Variants in PTPRD observed in about 807,000 individuals in gnomAD.
PTPRD encodes the protein receptor-type tyrosine-protein phosphatase delta.
A neutral mutation model predicts 214.5 loss-of-function variants in PTPRD; 34 were observed. The observed-to-expected ratio is 0.16, with a 90% CI of 0.12 to 0.21. The LOEUF is 0.21. PTPRD is among the 10% of genes least tolerant of loss of function. The pLI is 1.00. For synonymous variants in PTPRD, 1,128 were observed against 845.7 expected (o/e 1.33, Z -5.79); for missense variants, 2,545 against 2,398.7 (o/e 1.06, Z -1.27).
chr9:9,235,023 C>A (rs781469301), intron 9 of PTPRD, among the ~76,000 whole-genome samples: 7 of 152,144 alleles, frequency 4.6e-5, no homozygotes, highest in Non-Finnish European at 1.0e-4. Context: ...TGAAGAAATA[C>A]CTGAGACTGG....
intron 2 of PTPRD, among the ~76,000 whole-genome samples, chr9:10,358,913 T>C (rs1196718682): frequency 1.3e-5 from 2 of 152,150 alleles, no homozygotes; most frequent in Non-Finnish European, 2.9e-5. Flanking sequence ...TGGTTGCTGG[T>C]TGGTATACTG....
intron 14 of PTPRD, among the ~76,000 whole-genome samples, chr9:8,593,388 G>C (rs925738458): frequency 6.6e-6 from 1 of 152,130 alleles, no homozygotes; most frequent in African/African-American, 2.4e-5. Context: ...ACGTAGACCT[G>C]GTGAAAGGTC....
At chr9:8,820,536 C>G (rs764035929) in intron 11 of PTPRD, among the ~76,000 whole-genome samples, 18 of 152,126 alleles carry the variant, frequency 1.2e-4, no homozygotes, top group Non-Finnish European at 2.5e-4. Flanking sequence ...CCATCAAAGA[C>G]AGTGATTTCC....
intron 15 of PTPRD, 96 bp downstream of exon 15, chr9:8,528,495 A>G (rs2074816570): frequency 8.9e-7 from 1 of 1,127,690 alleles, no homozygotes; most frequent in African/African-American, 1.6e-5. Context: ...ATCAGTACCT[A>G]GAAATAAAAA....
intron 7 of PTPRD, among the ~76,000 whole-genome samples, chr9:9,639,019 C>T (rs1359443231): frequency 6.6e-6 from 1 of 152,194 alleles, no homozygotes; most frequent in Non-Finnish European, 1.5e-5. Flanking sequence ...AAGGCCCCAC[C>T]TCCCAATACT....
At chr9:9,378,201 C>T (rs973690546) in intron 9 of PTPRD, among the ~76,000 whole-genome samples, 4 of 152,168 alleles carry the variant, frequency 2.6e-5, no homozygotes, top group African/African-American at 7.2e-5. Context: ...ATCCACACTG[C>T]AACCCCTGGC....
intron 2 of PTPRD, among the ~76,000 whole-genome samples, chr9:10,356,430 G>C (rs2097279098): frequency 6.6e-6 from 1 of 152,064 alleles, no homozygotes; most frequent in Admixed American, 6.5e-5. Context: ...AGTGATATTT[G>C]AATAATTGTT....
chr9:8,654,081 C>T (rs543983862), intron 12 of PTPRD, among the ~76,000 whole-genome samples: 2 of 152,284 alleles, frequency 1.3e-5, no homozygotes, highest in Admixed American at 6.5e-5. Flanking sequence ...CTGGCTTCTA[C>T]CCAATAGATA....
intron 11 of PTPRD, among the ~76,000 whole-genome samples, chr9:9,010,323 C>T (rs2099504499): frequency 6.6e-6 from 1 of 152,060 alleles, no homozygotes; most frequent in Non-Finnish European, 1.5e-5. Flanking sequence ...CAACATTATC[C>T]ATAAGACTTT....
At chr9:9,675,225 A>T (rs1172404781) in intron 7 of PTPRD, among the ~76,000 whole-genome samples, 1 of 151,952 alleles carries the variant, frequency 6.6e-6, no homozygotes, top group Non-Finnish European at 1.5e-5. Flanking sequence ...TTTTAAAAAC[A>T]TTTTGAACTT....
intron 11 of PTPRD, among the ~76,000 whole-genome samples, chr9:8,794,545 T>C (rs2096349353): frequency 1.3e-5 from 2 of 149,964 alleles, no homozygotes; most frequent in African/African-American, 4.9e-5. Flanking sequence ...AGTCTCATTA[T>C]GTTGCCCAGG....
At chr9:9,887,100 T>A (rs1340695340) in intron 5 of PTPRD, among the ~76,000 whole-genome samples, 1 of 152,122 alleles carries the variant, frequency 6.6e-6, no homozygotes, top group Non-Finnish European at 1.5e-5. Flanking sequence ...CTCCCATACC[T>A]TGGAAACACA....
chr9:8,810,157 A>C (rs2096772468), intron 11 of PTPRD, among the ~76,000 whole-genome samples: 2 of 152,304 alleles, frequency 1.3e-5, no homozygotes, highest in Admixed American at 1.3e-4. Flanking sequence ...ATTTTTTGTA[A>C]TTGATGGAAA....
At chr9:9,170,429 C>G (rs941870127) in intron 10 of PTPRD, among the ~76,000 whole-genome samples, 39 of 152,240 alleles carry the variant, frequency 2.6e-4, no homozygotes, top group African/African-American at 9.1e-4. Flanking sequence ...TTAAATGAAT[C>G]TTTTGTTTTC....
intron 33 of PTPRD, among the ~76,000 whole-genome samples, chr9:8,457,181 T>C (rs1051198497): frequency 9.2e-5 from 14 of 152,108 alleles, no homozygotes; most frequent in South Asian, 4.1e-4. Context: ...TGAAGAAATG[T>C]AGGCTCAGAG....
chr9:10,407,396 T>C (rs999738760), intron 2 of PTPRD, among the ~76,000 whole-genome samples: 4 of 151,486 alleles, frequency 2.6e-5, no homozygotes. Context: ...TTATGTTGAG[T>C]TTCATTTTAT....
chr9:10,307,007 A>C (rs547770747), intron 3 of PTPRD, among the ~76,000 whole-genome samples: 1 of 152,268 alleles, frequency 6.6e-6, no homozygotes, highest in Admixed American at 6.5e-5. Context: ...TAGAATATGT[A>C]ATAATCAAGT....
At chr9:9,902,454 T>G (rs2076629417) in intron 5 of PTPRD, among the ~76,000 whole-genome samples, 1 of 152,150 alleles carries the variant, frequency 6.6e-6, no homozygotes, top group Admixed American at 6.6e-5. Flanking sequence ...TACCAATCAC[T>G]AAAATGCAAG....
intron 5 of PTPRD, among the ~76,000 whole-genome samples, chr9:9,794,446 G>A (rs1355599486): frequency 6.6e-6 from 1 of 152,000 alleles, no homozygotes; most frequent in Admixed American, 6.6e-5. Flanking sequence ...GGTACTGGTG[G>A]CAGAGGCAAA....
Sources: gnomAD v4.1 joint callset for allele counts (sites outside exome capture counted in the v4.1 genomes callset) on GRCh38, gnomAD v4.1.1 for gene constraint, MANE v1.5 for transcripts, NCBI Gene and HGNC (gene_info 2026-07-23, HGNC 2026-07-21) for gene names.